Variants in PDE10A observed in about 807,000 individuals in gnomAD.
PDE10A encodes the protein cAMP and cAMP-inhibited cGMP 3',5'-cyclic phosphodiesterase 10A.
In PDE10A, 39 loss-of-function variants were observed where a neutral mutation model predicts 97.7. The ratio of observed to expected loss-of-function variants is 0.40; its 90% CI spans 0.31 to 0.52. The LOEUF (loss-of-function observed/expected upper bound fraction) is 0.52. PDE10A is among the 20% of genes least tolerant of loss of function. PDE10A has a pLI of 0.56. For synonymous variants in PDE10A, 371 were observed against 376.8 expected, an observed-to-expected ratio of 0.98 and a Z score of 0.18; for missense variants, 731 against 1,047.8, an observed-to-expected ratio of 0.70 and a Z score of 4.17.
intron 1 of PDE10A, among the ~76,000 whole-genome samples, chr6:165,659,486 G>A (rs940953387): frequency 6.6e-6 from 1 of 152,184 alleles, no homozygotes; most frequent in African/African-American, 2.4e-5. Context: ...GACCCAAAAA[G>A]TAAAGAGTGT....
At chr6:165,510,735 C>G (rs1441396955) in intron 2 of PDE10A, among the ~76,000 whole-genome samples, 3 of 152,012 alleles carry the variant, frequency 2.0e-5, no homozygotes, top group Non-Finnish European at 4.4e-5. Context: ...TTTTCTATTT[C>G]TTCCTGATTC....
At chr6:165,794,422 TCA>T (rs1296978807) in intron 1 of PDE10A, among the ~76,000 whole-genome samples, 1 of 150,178 alleles carries the variant, frequency 6.7e-6, no homozygotes, top group Non-Finnish European at 1.5e-5. Flanking sequence ...ACTCCTACAC[TCA>T]CTCACACACT....
At chr6:165,742,491 C>T (rs1459321747) in intron 1 of PDE10A, among the ~76,000 whole-genome samples, 2 of 152,008 alleles carry the variant, frequency 1.3e-5, no homozygotes, top group African/African-American at 4.8e-5. Flanking sequence ...GATGCCAAAC[C>T]CCCACTGCCC....
In PDE10A at chr6:165,595,145, T is replaced by C. The variant is rs368043140; in HGVS notation, c.866-51577A>G. ...AGGCCCAGGTCCAGCCATGTGGAAA[T>C]GGCTCCCTTAAGCCCTAGCCAGCTG... On this transcript the variant is annotated intron_variant, in intron 1 of 21. Coordinates refer to ENST00000539869, the MANE Select transcript of PDE10A (RefSeq NM_001385079.1). Among the ~76,000 whole-genome samples the C allele has an allele frequency of 1.2e-4, 18 of 152,266 alleles. No homozygotes were observed. In the East Asian group the frequency reaches 1.4e-3, roughly 11 times the overall value.
intron 2 of PDE10A, among the ~76,000 whole-genome samples, chr6:165,508,660 A>G (rs182863574): frequency 5.3e-5 from 8 of 152,056 alleles, no homozygotes. Context: ...TCAACGTTTG[A>G]AAAGTCCAGG....
chr6:165,966,681 G>C (rs1484520710), intron 1 of PDE10A, among the ~76,000 whole-genome samples: 1 of 152,168 alleles, frequency 6.6e-6, no homozygotes, highest in Non-Finnish European at 1.5e-5. Flanking sequence ...TGTTCTCATG[G>C]CAAGATGCAA....
chr6:165,717,961 A>G (rs888669165), intron 1 of PDE10A, among the ~76,000 whole-genome samples: 22 of 152,230 alleles, frequency 1.4e-4, no homozygotes, highest in East Asian at 1.4e-3. Context: ...GTGGTCGTTG[A>G]GTTGCAGGAA....
chr6:165,709,857 T>A (rs1321591602), intron 1 of PDE10A, among the ~76,000 whole-genome samples: 1 of 151,140 alleles, frequency 6.6e-6, no homozygotes, highest in Non-Finnish European at 1.5e-5. Context: ...AAACTACCTG[T>A]TGCATTGCTT....
At chr6:165,950,617 A>T (rs1301247814) in intron 1 of PDE10A, among the ~76,000 whole-genome samples, 2 of 152,202 alleles carry the variant, frequency 1.3e-5, no homozygotes, top group Admixed American at 1.3e-4. Flanking sequence ...ACCTGTGCAG[A>T]CCAGGTCTGC....
At chr6:165,723,164 C>T (rs1029871096) in intron 1 of PDE10A, among the ~76,000 whole-genome samples, 1 of 152,222 alleles carries the variant, frequency 6.6e-6, no homozygotes, top group African/African-American at 2.4e-5. Context: ...TACTGAGAAC[C>T]GTGGTCACAG....
intron 1 of PDE10A, among the ~76,000 whole-genome samples, chr6:165,563,733 A>G (rs1784637576): frequency 6.6e-6 from 1 of 152,080 alleles, no homozygotes; most frequent in African/African-American, 2.4e-5. Flanking sequence ...TCTACTAAAA[A>G]TACAAAAATT....
intron 10 of PDE10A, among the ~76,000 whole-genome samples, chr6:165,423,807 G>A (rs922737771): frequency 2.0e-5 from 3 of 150,834 alleles, no homozygotes; most frequent in African/African-American, 4.9e-5. Context: ...CCGAGATCAT[G>A]CCACTGTACT....
chr6:165,895,103 T>C (rs560635017), intron 1 of PDE10A, among the ~76,000 whole-genome samples: 2 of 152,314 alleles, frequency 1.3e-5, no homozygotes, highest in East Asian at 1.9e-4. Context: ...CTACCTAATA[T>C]CCACTGTCCT....
intron 1 of PDE10A, among the ~76,000 whole-genome samples, chr6:165,801,524 G>A (rs556427180): frequency 2.0e-5 from 3 of 152,294 alleles, no homozygotes; most frequent in African/African-American, 7.2e-5. Context: ...CAGCCTGGGT[G>A]ACAGCATGAG....
chr6:165,561,640 G>A (rs577191432), intron 1 of PDE10A, among the ~76,000 whole-genome samples: 16 of 152,268 alleles, frequency 1.1e-4, no homozygotes, highest in African/African-American at 3.6e-4. Context: ...AGTCTTAATT[G>A]TAAACTGAAA....
chr6:165,936,779 A>G (rs892443916), intron 1 of PDE10A, among the ~76,000 whole-genome samples: 31 of 149,880 alleles, frequency 2.1e-4, no homozygotes, highest in Admixed American at 2.6e-4. Flanking sequence ...ATGAGTAGAG[A>G]CTTACTGGGG....
At chr6:165,566,768 T>A in intron 1 of PDE10A, among the ~76,000 whole-genome samples, 1 of 152,226 alleles carries the variant, frequency 6.6e-6, no homozygotes, top group Middle Eastern at 3.4e-3. Flanking sequence ...ATCATATTTT[T>A]AAAAAGGAAA....
At chr6:165,410,889 C>T (rs1049200894) in intron 13 of PDE10A, among the ~76,000 whole-genome samples, 3 of 135,306 alleles carry the variant, frequency 2.2e-5, no homozygotes, top group Admixed American at 7.5e-5. Context: ...GAGATCGAGA[C>T]CATCCTGGCT....
chr6:165,849,383 G>C (rs1562767009), intron 1 of PDE10A, among the ~76,000 whole-genome samples: 1 of 152,322 alleles, frequency 6.6e-6, no homozygotes, highest in Non-Finnish European at 1.5e-5. Context: ...GCTTTTGGGG[G>C]TTGTTGGAAT....
Sources: allele counts gnomAD v4.1 joint callset (sites outside exome capture counted in the v4.1 genomes callset), GRCh38; gene constraint gnomAD v4.1.1; transcripts MANE v1.5; gene names NCBI Gene and HGNC (gene_info 2026-07-23, HGNC 2026-07-21).